KANSL1L: variants seen among roughly 807,000 people sequenced by gnomAD.
KANSL1L encodes KAT8 regulatory NSL complex subunit 1 like.
A neutral mutation model predicts 108.6 loss-of-function variants in KANSL1L; 25 were observed. That is an observed-to-expected ratio of 0.23 (90% confidence interval 0.17 to 0.32). KANSL1L has a LOEUF of 0.32. Ranked by LOEUF, KANSL1L falls within the 10% of genes least tolerant of loss-of-function variation. KANSL1L has a pLI of 1.00. For synonymous variants in KANSL1L, 405 were observed against 395.1 expected (o/e 1.03, Z -0.30); for missense variants, 1,137 against 1,125.7 (o/e 1.01, Z -0.14).
At chr2:210,108,477 T>C (rs2094872393) in intron 3 of KANSL1L, among the ~76,000 whole-genome samples, 2 of 152,182 alleles carry the variant, frequency 1.3e-5, no homozygotes, top group Non-Finnish European at 2.9e-5. Flanking sequence ...TATTAAAATA[T>C]CCTTTCTTAA....
chr2:210,091,977 A>G (rs1575513506), intron 5 of KANSL1L, among the ~76,000 whole-genome samples: 1 of 152,258 alleles, frequency 6.6e-6, no homozygotes, highest in East Asian at 1.9e-4. Context: ...CAACATACTA[A>G]TGGTACCATT....
chr2:210,023,022 T>G lies in KANSL1L; in HGVS notation c.2891A>C (p.Lys964Thr). Residue 964 changes from lysine (K) to threonine (T), a missense_variant, in exon 15 of 15, where the codon AAA becomes ACA. Lys to Thr is a moderately conservative substitution (Grantham distance 78). Transcript: ENST00000281772. ...TSVPENGHHPKKQSDGMEEYK... is the reference protein window; with the variant it reads ...TSVPENGHHPTKQSDGMEEYK... ...TTCTTCCATTCCATCTGACTGCTTT[T>G]TTGGATGGTGGCCATTCTCTGGTAC... 1 of 1,614,046 alleles carries G rather than the reference T, an allele frequency of 6.2e-7. No individual in the cohort carries two copies. The highest frequency in any genetic ancestry group is 2.2e-5 in the East Asian group (1 of 44,864).
At chr2:210,172,621 T>A (rs1688392883), upstream of KANSL1L, among the ~76,000 whole-genome samples, 1 of 152,226 alleles carries the variant, frequency 6.6e-6, no homozygotes, top group Non-Finnish European at 1.5e-5. Context: ...AGGAAATTGA[T>A]TTACTTTCAT....
At chr2:210,110,416 G>A (rs535561846) in intron 3 of KANSL1L, among the ~76,000 whole-genome samples, 3 of 152,008 alleles carry the variant, frequency 2.0e-5, no homozygotes, top group African/African-American at 2.4e-5. Flanking sequence ...AACTTCGTAA[G>A]GCCTTGAATT....
intron 1 of KANSL1L, among the ~76,000 whole-genome samples, chr2:210,170,914 G>A (rs1688300447): frequency 7.8e-6 from 1 of 128,522 alleles, no homozygotes; most frequent in African/African-American, 2.9e-5. Context: ...CAGCTGCCAA[G>A]GCTGTTAGGT....
chr2:210,032,690 A>C (rs1301698756), intron 8 of KANSL1L: 1 of 152,198 alleles, frequency 6.6e-6, no homozygotes, highest in African/African-American at 2.4e-5. Context: ...GAAAATTTCA[A>C]ATGTTGTATA....
chr2:210,088,973 C>T, intron 5 of KANSL1L: 1 of 162,636 alleles, frequency 6.1e-6, no homozygotes, highest in Non-Finnish European at 1.3e-5. Context: ...CAAATGTTAC[C>T]AACAATCAAA....
chr2:210,127,445 G>A (rs902436497), intron 3 of KANSL1L, among the ~76,000 whole-genome samples: 2 of 152,052 alleles, frequency 1.3e-5, no homozygotes, highest in Non-Finnish European at 2.9e-5. Context: ...AGACAAATGG[G>A]ACTTCAGAAA....
intron 9 of KANSL1L, 122 bp from the exon 10 acceptor site, chr2:210,030,040 G>A (rs2093993108): frequency 6.5e-6 from 3 of 463,396 alleles, no homozygotes; most frequent in Admixed American, 7.8e-5. Context: ...TTAAATTCGT[G>A]TATTAGAAAA....
intron 8 of KANSL1L, chr2:210,035,134 T>G (rs2094083200): frequency 1.3e-5 from 2 of 152,122 alleles, no homozygotes; most frequent in Non-Finnish European, 2.9e-5. Context: ...TATTTACAGA[T>G]AATTTCAACT....
chr2:210,058,462 G>C (rs1287812019), intron 6 of KANSL1L, among the ~76,000 whole-genome samples: 1 of 152,018 alleles, frequency 6.6e-6, no homozygotes, highest in Non-Finnish European at 1.5e-5. Flanking sequence ...TATCTTATTA[G>C]CTTGTGAAGC....
chr2:210,121,822 GATAA>G (rs1319391727), intron 3 of KANSL1L, among the ~76,000 whole-genome samples: 6 of 152,140 alleles, frequency 3.9e-5, no homozygotes, highest in Admixed American at 2.6e-4. Context: ...TATTAAAACT[GATAA>G]ATAAATTCAG....
chr2:210,036,830 C>T (rs549809380), intron 8 of KANSL1L, among the ~76,000 whole-genome samples: 1 of 152,246 alleles, frequency 6.6e-6, no homozygotes, highest in East Asian at 1.9e-4. Flanking sequence ...AACTATGGCT[C>T]ACTGCAGCCT....
chr2:210,026,902 C>T (rs899744649), intron 12 of KANSL1L, among the ~76,000 whole-genome samples: 2 of 152,128 alleles, frequency 1.3e-5, no homozygotes, highest in Non-Finnish European at 2.9e-5. Context: ...TCCCAAGTAG[C>T]TGGGACTACA....
chr2:210,087,658 A>T (rs1482390671), intron 5 of KANSL1L, among the ~76,000 whole-genome samples: 5 of 152,214 alleles, frequency 3.3e-5, no homozygotes, highest in African/African-American at 1.2e-4. Flanking sequence ...ACAACAGTTC[A>T]GTAAGATAGA....
intron 6 of KANSL1L, among the ~76,000 whole-genome samples, chr2:210,070,872 A>T (rs2094502820): frequency 6.6e-6 from 1 of 152,070 alleles, no homozygotes; most frequent in Non-Finnish European, 1.5e-5. Flanking sequence ...TAAATAAAAC[A>T]TATGTAGCCG....
rs151237603 is a variant in KANSL1L at position 210,170,287 on chromosome 2, A to T, written c.-30+862T>A. On this transcript the variant is annotated intron_variant, in intron 1 of 14. Coordinates refer to ENST00000281772, the MANE Select transcript of KANSL1L (RefSeq NM_152519.4). ...GGAAGTTTGTCTCCTAAACCTCGCC[A>T]GAACATGAATGTCCTGAAGTTTGGG... The T allele has an allele frequency of 6.0e-3, 5,189 of 871,456 alleles. 20 individuals are homozygous for T. Among genetic ancestry groups the T allele is most frequent in the Middle Eastern group, 0.016 (27 of 1,740 alleles). The allele number at this position is 871,456 out of a possible 1,614,324, so 54.0% of individuals were successfully genotyped here.
chr2:210,075,715 C>A lies in KANSL1L; in HGVS notation c.1592G>T (p.Trp531Leu). The change falls in exon 6 of 15, where the codon TGG (tryptophan) becomes TTG (leucine). Residue 531 changes from tryptophan to leucine, a missense_variant. By Grantham distance (61) the Trp-to-Leu change is moderately conservative. Transcript: ENST00000281772. Reference protein sequence around the residue: ...NLDELSSSSSWLLNQKHSKKK... With the variant: ...NLDELSSSSSLLLNQKHSKKK... ...CTTACTGTGCTTCTGGTTAAGTAAC[C>A]AGCTACTGGAGGAAGACAGCTCATC... The A allele has an allele frequency of 6.2e-7, 1 of 1,613,926 alleles. No individual in the cohort carries two copies.
chr2:210,029,298 A>T (rs2093982127), intron 10 of KANSL1L: 1 of 212,702 alleles, frequency 4.7e-6, no homozygotes, highest in African/African-American at 2.3e-5. Flanking sequence ...TGTCAATGAA[A>T]ATGATCAGTA....
Sources: gnomAD v4.1 joint callset for allele counts (sites outside exome capture counted in the v4.1 genomes callset) on GRCh38, gnomAD v4.1.1 for gene constraint, MANE v1.5 for transcripts, NCBI Gene and HGNC (gene_info 2026-07-23, HGNC 2026-07-21) for gene names.